The following CDKAL1 variants were observed in gnomAD, a reference collection of about 807,000 sequenced individuals.
CDKAL1 encodes the protein CDKAL1 threonylcarbamoyladenosine tRNA methylthiotransferase.
CDKAL1 carries 32 observed loss-of-function variants against 68.2 expected under a neutral mutation model. The observed-to-expected ratio is 0.47, with a 90% confidence interval of 0.35 to 0.63. CDKAL1 has a LOEUF of 0.63. Among genes scored for constraint, CDKAL1 ranks in the 30% least tolerant of loss-of-function variants. The pLI is 0.00. For missense variants in CDKAL1, 606 were observed against 696.7 expected, an observed-to-expected ratio of 0.87 and a Z score of 1.47; for synonymous variants, 234 against 244.3, an observed-to-expected ratio of 0.96 and a Z score of 0.39.
chr6:20,863,713 A>G (rs1581722351), intron 9 of CDKAL1, among the ~76,000 whole-genome samples: 1 of 152,238 alleles, frequency 6.6e-6, no homozygotes, highest in Non-Finnish European at 1.5e-5. Context: ...TTAAGACTAT[A>G]TATTTTTATG....
intron 3 of CDKAL1, among the ~76,000 whole-genome samples, chr6:20,547,273 T>C (rs1233122993): frequency 6.6e-6 from 1 of 152,208 alleles, no homozygotes; most frequent in Admixed American, 6.5e-5. Context: ...AATTGGATGT[T>C]CCTAGAAGAT....
At chr6:21,075,808 G>A (rs1221466976) in intron 12 of CDKAL1, among the ~76,000 whole-genome samples, 4 of 152,022 alleles carry the variant, frequency 2.6e-5, no homozygotes, top group African/African-American at 9.7e-5. Flanking sequence ...AAAGTCTTTT[G>A]ATCCTCGGCG....
intron 4 of CDKAL1, among the ~76,000 whole-genome samples, chr6:20,604,082 G>A (rs963364684): frequency 2.6e-5 from 4 of 152,120 alleles, no homozygotes; most frequent in African/African-American, 9.7e-5. Context: ...TGAAAATTGA[G>A]TGCCATGTGA....
intron 10 of CDKAL1, among the ~76,000 whole-genome samples, chr6:20,966,869 AT>A (rs1381167121): frequency 6.6e-6 from 1 of 151,752 alleles, no homozygotes; most frequent in Non-Finnish European, 1.5e-5. Context: ...TTCAGTCTTT[AT>A]TTTTCCTACC....
chr6:20,666,083 ATTATGT>A (rs896110403), intron 5 of CDKAL1, among the ~76,000 whole-genome samples: 10 of 152,162 alleles, frequency 6.6e-5, no homozygotes, highest in African/African-American at 2.2e-4. Context: ...TATATATGAC[ATTATGT>A]TTATAAGTTT....
At chr6:20,608,003 C>T (rs563744095) in intron 4 of CDKAL1, among the ~76,000 whole-genome samples, 4 of 152,284 alleles carry the variant, frequency 2.6e-5, no homozygotes, top group African/African-American at 9.6e-5. Context: ...CCCAAGGTAA[C>T]TCTTAATAAA....
At chr6:20,541,323 C>T (rs984921924) in intron 2 of CDKAL1, among the ~76,000 whole-genome samples, 2 of 152,184 alleles carry the variant, frequency 1.3e-5, no homozygotes, top group Non-Finnish European at 2.9e-5. Flanking sequence ...CATTTGGCTT[C>T]AGGCATTTGT....
rs79954986 is a variant in CDKAL1 at position 21,093,873 on chromosome 6, T to C, written c.1237-14528T>C. 0.029 allele frequency among the ~76,000 whole-genome samples: 4,285 copies of C among 148,378 alleles called. 318 individuals are homozygous for C. In the East Asian group the frequency reaches 0.31, roughly 11 times the overall value. ...CCTCCTGAGTAGCTGGGTGTGACGG[T>C]AGGTGCACCACCACACCTGGCTTTT... On this transcript the variant is annotated intron_variant, in intron 12 of 15. Transcript: ENST00000274695.
At chr6:21,199,555 T>G (rs918875298) in intron 14 of CDKAL1, among the ~76,000 whole-genome samples, 1 of 152,172 alleles carries the variant, frequency 6.6e-6, no homozygotes, top group Non-Finnish European at 1.5e-5. Flanking sequence ...AGCAGGGAAC[T>G]TTTTTCCCTT....
intron 15 of CDKAL1, among the ~76,000 whole-genome samples, chr6:21,218,466 G>A (rs1779418078): frequency 6.6e-6 from 1 of 152,224 alleles, no homozygotes; most frequent in Non-Finnish European, 1.5e-5. Context: ...GGGTGCCCGT[G>A]GCACAGTACT....
chr6:21,186,085 G>C (rs776427678), intron 13 of CDKAL1, among the ~76,000 whole-genome samples: 51 of 152,122 alleles, frequency 3.4e-4, no homozygotes, highest in Non-Finnish European at 5.1e-4. Flanking sequence ...TGGGGCAGGG[G>C]GGGTCAGGAG....
At chr6:21,106,154 A>G (rs1422533559) in intron 12 of CDKAL1, among the ~76,000 whole-genome samples, 1 of 152,216 alleles carries the variant, frequency 6.6e-6, no homozygotes, top group Non-Finnish European at 1.5e-5. Flanking sequence ...CAGGCTGGCA[A>G]AGATGTTTGT....
At chr6:20,764,356 T>C (rs1207006201) in intron 7 of CDKAL1, among the ~76,000 whole-genome samples, 1 of 152,216 alleles carries the variant, frequency 6.6e-6, no homozygotes, top group Non-Finnish European at 1.5e-5. Flanking sequence ...AGATTCCAAA[T>C]GCCTCAAGTG....
chr6:20,813,889 A>G lies in CDKAL1; in HGVS notation c.639-32186A>G, dbSNP rs779847793. On this transcript the variant is annotated intron_variant, in intron 8 of 15. Transcript: ENST00000274695. ...TCTAACTTCATTCTTTTTTCAAAAA[A>G]TTAGTTATAATATTATAAATTATTT... 2.0e-5 allele frequency among the ~76,000 whole-genome samples: 3 copies of G among 152,032 alleles called. No individual in the cohort carries two copies. In the East Asian group the frequency reaches 5.8e-4, roughly 29 times the overall value.
At chr6:21,058,989 C>CTCTA (rs1770991391) in intron 11 of CDKAL1, among the ~76,000 whole-genome samples, 1 of 152,190 alleles carries the variant, frequency 6.6e-6, no homozygotes, top group Admixed American at 6.5e-5. Context: ...AGTGCCCAGC[C>CTCTA]TCTAAATAGC....
At chr6:20,822,218 A>G (rs1777315052) in intron 8 of CDKAL1, among the ~76,000 whole-genome samples, 1 of 152,202 alleles carries the variant, frequency 6.6e-6, no homozygotes, top group Non-Finnish European at 1.5e-5. Flanking sequence ...TATAGATCAT[A>G]ATGCCATTTG....
intron 7 of CDKAL1, among the ~76,000 whole-genome samples, chr6:20,773,520 A>G (rs1212307480): frequency 6.6e-6 from 1 of 152,124 alleles, no homozygotes; most frequent in Non-Finnish European, 1.5e-5. Flanking sequence ...ATTGATATGT[A>G]CGGTACATTT....
chr6:21,141,227 A>G, intron 13 of CDKAL1, among the ~76,000 whole-genome samples: 1 of 152,190 alleles, frequency 6.6e-6, no homozygotes, highest in East Asian at 1.9e-4. Context: ...GTCTACTTCT[A>G]CATCTTTGCA....
chr6:20,786,306 A>G (rs1775668629), intron 8 of CDKAL1, among the ~76,000 whole-genome samples: 1 of 152,110 alleles, frequency 6.6e-6, no homozygotes, highest in African/African-American at 2.4e-5. Flanking sequence ...AGATTGTATA[A>G]ATTTTGGATG....
Sources: gnomAD v4.1 joint callset for allele counts (sites outside exome capture counted in the v4.1 genomes callset) on GRCh38, gnomAD v4.1.1 for gene constraint, MANE v1.5 for transcripts, NCBI Gene and HGNC (gene_info 2026-07-23, HGNC 2026-07-21) for gene names.